LRMDA: variants seen among roughly 807,000 people sequenced by gnomAD.
The protein encoded by LRMDA is leucine-rich melanocyte differentiation-associated protein.
Under a neutral mutation model 29.8 loss-of-function variants are expected in LRMDA, and 18 were observed. The observed-to-expected ratio is 0.60, with a 90% confidence interval of 0.42 to 0.90. The LOEUF is 0.90. Ranked by LOEUF, LRMDA falls within the 40% of genes least tolerant of loss-of-function variation. The pLI is 0.00. For missense variants in LRMDA, 273 were observed against 273.9 expected (o/e 1.00, Z 0.02); for synonymous variants, 125 against 109.4 (o/e 1.14, Z -0.89).
chr10:75,928,910 A>G (rs972832708), intron 2 of LRMDA, among the ~76,000 whole-genome samples: 5 of 152,184 alleles, frequency 3.3e-5, no homozygotes, highest in African/African-American at 1.2e-4. Context: ...CAGGTGCAAC[A>G]CTGCCTGTAT....
At chr10:76,348,903 G>A (rs12413026) in intron 6 of LRMDA, among the ~76,000 whole-genome samples, 45,700 of 152,136 alleles carry the variant, frequency 0.3, 8,851 homozygotes, top group Non-Finnish European at 0.43. Context: ...TTGGTCATTA[G>A]CTGAAGGGTT....
intron 2 of LRMDA, among the ~76,000 whole-genome samples, chr10:75,977,107 G>A (rs185203014): frequency 6.7e-5 from 10 of 149,080 alleles, no homozygotes; most frequent in Admixed American, 4.1e-4. Flanking sequence ...CCTCTAGCTC[G>A]ATGGTTCTTT....
chr10:75,937,565 C>T (rs1037913145), intron 2 of LRMDA, among the ~76,000 whole-genome samples: 4 of 152,190 alleles, frequency 2.6e-5, no homozygotes, highest in African/African-American at 7.2e-5. Flanking sequence ...TGTGCACCAT[C>T]GAGTTGCCAA....
At chr10:75,913,547 G>T (rs1488468353) in intron 2 of LRMDA, among the ~76,000 whole-genome samples, 2 of 152,194 alleles carry the variant, frequency 1.3e-5, no homozygotes, top group Non-Finnish European at 2.9e-5. Flanking sequence ...AGTCTCATAG[G>T]TCATGCGCCC....
At chr10:75,846,668 T>G (rs1042121670) in intron 2 of LRMDA, among the ~76,000 whole-genome samples, 3 of 152,172 alleles carry the variant, frequency 2.0e-5, no homozygotes, top group African/African-American at 7.2e-5. Flanking sequence ...ATATTAAGTG[T>G]GGAGTGTAGG....
chr10:75,499,816 A>G (rs969566788), intron 2 of LRMDA, among the ~76,000 whole-genome samples: 1 of 152,082 alleles, frequency 6.6e-6, no homozygotes, highest in Non-Finnish European at 1.5e-5. Flanking sequence ...TTTCTCCCCT[A>G]AGGTACCAAG....
intron 6 of LRMDA, among the ~76,000 whole-genome samples, chr10:76,504,746 T>C (rs188085279): frequency 6.6e-6 from 1 of 152,246 alleles, no homozygotes; most frequent in African/African-American, 2.4e-5. Context: ...TCTTGTCTTT[T>C]TATCCAGTTG....
intron 2 of LRMDA, among the ~76,000 whole-genome samples, chr10:75,942,713 G>A (rs7909775): frequency 0.24 from 35,999 of 152,102 alleles, 4,592 homozygotes; most frequent in South Asian, 0.42. Context: ...TGCTGATGAG[G>A]GATGCTGGTT....
chr10:75,942,491 A>C (rs1846408811), intron 2 of LRMDA, among the ~76,000 whole-genome samples: 1 of 152,212 alleles, frequency 6.6e-6, no homozygotes, highest in African/African-American at 2.4e-5. Context: ...GCTGGTGATG[A>C]TGGGCTCGGT....
intron 2 of LRMDA, among the ~76,000 whole-genome samples, chr10:75,792,009 G>A (rs1056204679): frequency 5.3e-5 from 8 of 150,616 alleles, no homozygotes; most frequent in Non-Finnish European, 7.4e-5. Flanking sequence ...GCAGGTGCCC[G>A]CCACCACGCC....
At chr10:75,709,947 G>A (rs913413923) in intron 2 of LRMDA, among the ~76,000 whole-genome samples, 2 of 152,200 alleles carry the variant, frequency 1.3e-5, no homozygotes, top group Non-Finnish European at 2.9e-5. Flanking sequence ...GTACAGGCCT[G>A]TTGTGGCTGG....
intron 2 of LRMDA, among the ~76,000 whole-genome samples, chr10:75,964,838 G>T (rs981858988): frequency 1.3e-5 from 2 of 152,174 alleles, no homozygotes; most frequent in African/African-American, 4.8e-5. Flanking sequence ...TACAATCTCG[G>T]CTCACTGCAA....
At chr10:76,285,036 T>C (rs1224819345) in intron 5 of LRMDA, among the ~76,000 whole-genome samples, 1 of 152,202 alleles carries the variant, frequency 6.6e-6, no homozygotes, top group East Asian at 1.9e-4. Flanking sequence ...TGCTTTTTGA[T>C]TTCCATGTTT....
chr10:75,619,929 T>G (rs1320490457), intron 2 of LRMDA, among the ~76,000 whole-genome samples: 1 of 152,194 alleles, frequency 6.6e-6, no homozygotes, highest in Non-Finnish European at 1.5e-5. Flanking sequence ...ATTCAGTCAT[T>G]TTATGATGCT....
Position 76,114,840 on chromosome 10 carries a change from A to G in LRMDA, c.516+56057A>G, listed in dbSNP as rs2132117590. 2.6e-5 allele frequency among the ~76,000 whole-genome samples: 4 copies of G among 152,366 alleles called. No homozygotes were observed. In the South Asian group the frequency reaches 8.3e-4, roughly 32 times the overall value. ...GAGCAAGTACAAAACCAACACTCGG[A>G]GAGAAGCCCTTTCTGGAGGCCTTTG... On this transcript the variant is annotated intron_variant, in intron 5 of 6. Transcript: ENST00000611255.
At chr10:75,922,737 C>T (rs1351714762) in intron 2 of LRMDA, among the ~76,000 whole-genome samples, 1 of 152,160 alleles carries the variant, frequency 6.6e-6, no homozygotes, top group Non-Finnish European at 1.5e-5. Flanking sequence ...GGGTAGACAC[C>T]AGCTGATCAG....
At chr10:76,363,212 AGGAAG>A (rs1564520730) in intron 6 of LRMDA, among the ~76,000 whole-genome samples, 11 of 8,724 alleles carry the variant, frequency 1.3e-3, no homozygotes, top group East Asian at 4.7e-3. Context: ...GAGGGAGGGA[AGGAAG>A]AGAAAGAAAG....
intron 6 of LRMDA, among the ~76,000 whole-genome samples, chr10:76,553,527 C>T (rs556250100): frequency 1.1e-4 from 16 of 152,166 alleles, no homozygotes; most frequent in East Asian, 7.7e-4. Context: ...GTGGGGAGGA[C>T]GAGGGAGAGA....
intron 6 of LRMDA, among the ~76,000 whole-genome samples, chr10:76,421,033 G>C (rs1842066861): frequency 6.6e-6 from 1 of 152,100 alleles, no homozygotes; most frequent in Non-Finnish European, 1.5e-5. Context: ...ATGTGCGTAT[G>C]ATCAAGTTTG....
Sources: gnomAD v4.1 joint callset for allele counts (sites outside exome capture counted in the v4.1 genomes callset) on GRCh38, gnomAD v4.1.1 for gene constraint, MANE v1.5 for transcripts, NCBI Gene and HGNC (gene_info 2026-07-23, HGNC 2026-07-21) for gene names.